The following CELF2 variants were observed in gnomAD, a reference collection of about 807,000 sequenced individuals.
CELF2 encodes CUG triplet repeat RNA-binding protein 2.
A neutral mutation model predicts 62.6 loss-of-function variants in CELF2; 8 were observed. The observed-to-expected ratio is 0.13, with a 90% confidence interval of 0.07 to 0.23. The LOEUF is 0.23. Ranked by LOEUF, CELF2 falls within the 10% of genes least tolerant of loss-of-function variation. The pLI is 1.00. For missense variants in CELF2, 333 were observed against 671.0 expected, an observed-to-expected ratio of 0.50 and a Z score of 5.56; for synonymous variants, 258 against 250.0, an observed-to-expected ratio of 1.03 and a Z score of -0.30.
At position 11,268,412 on chromosome 10, in the gene CELF2, C is replaced by A. The variant is rs903166445; in HGVS notation, c.618+1735C>A. Reference sequence around the variant, plus strand: ...CCCATTCCTTCCCTTGGAGCCCCCCCAGTAATGCTCAGAGAGCCACGGACA... The same window carrying A: ...CCCATTCCTTCCCTTGGAGCCCCCCAAGTAATGCTCAGAGAGCCACGGACA... On this transcript the variant is annotated intron_variant, in intron 6 of 12. Transcript: ENST00000633077. The surrounding 1 kb of genome is among the most constrained non-coding windows in gnomAD (Gnocchi z 4.7). 2.6e-5 allele frequency among the ~76,000 whole-genome samples: 4 copies of A among 152,104 alleles called. No individual in the cohort carries two copies. The highest frequency in any genetic ancestry group is 2.4e-5 in the African/African-American group (1 of 41,418).
rs777011247 is a variant in CELF2, at chr10:10,808,094, C to T, written c.53+9277C>T. Among the ~76,000 whole-genome samples, 25 of 152,108 alleles carry T rather than the reference C, an allele frequency of 1.6e-4. 1 individual carries two copies. The highest frequency in any genetic ancestry group is 2.4e-4 in the Non-Finnish European group (16 of 68,026). ...TGGCCATGGTTAAAGATCTGATGGG[C>T]ATTCATTATAAAAATAACACTATCG... On this transcript the variant is annotated intron_variant, in intron 1 of 13. Coordinates refer to the CELF2 transcript ENST00000636488.
chr10:10,517,830 T>A, the CELF2 span, among the ~76,000 whole-genome samples: 11 of 152,352 alleles, frequency 7.2e-5, no homozygotes, highest in African/African-American at 2.6e-4. Flanking sequence ...GTTTGCTCTT[T>A]GCAAAGAGCT....
intron 2 of CELF2, among the ~76,000 whole-genome samples, chr10:11,210,209 G>GA (rs1473541591): frequency 3.3e-5 from 5 of 152,120 alleles, no homozygotes; most frequent in African/African-American, 1.2e-4. Flanking sequence ...ATAAAAAAAA[G>GA]AAAAAATATA....
At chr10:10,496,153 C>T in the CELF2 span, among the ~76,000 whole-genome samples, 1 of 152,190 alleles carries the variant, frequency 6.6e-6, no homozygotes, top group African/African-American at 2.4e-5. Flanking sequence ...TAAAGCCGTG[C>T]AGGTCTTAAG....
chr10:11,320,280 C>A (rs1285937912), intron 10 of CELF2, among the ~76,000 whole-genome samples: 1 of 152,130 alleles, frequency 6.6e-6, no homozygotes, highest in African/African-American at 2.4e-5. Context: ...GGGGAGAAAT[C>A]GAGTCTACTG....
chr10:10,513,609 GC>G, the CELF2 span, among the ~76,000 whole-genome samples: 1 of 151,928 alleles, frequency 6.6e-6, no homozygotes, highest in Non-Finnish European at 1.5e-5. Context: ...TAGCAGGGTT[GC>G]CCACATATAG....
chr10:11,182,905 G>A (rs1464564769), intron 2 of CELF2, among the ~76,000 whole-genome samples: 3 of 152,088 alleles, frequency 2.0e-5, no homozygotes, highest in Non-Finnish European at 2.9e-5. Context: ...ACCGCCATTT[G>A]TGCATTCCTA....
At chr10:11,043,273 G>T (rs2062168013) in intron 1 of CELF2, among the ~76,000 whole-genome samples, 1 of 152,194 alleles carries the variant, frequency 6.6e-6, no homozygotes, top group African/African-American at 2.4e-5. Context: ...GGCAGGGCCA[G>T]GGCTGGTAGA....
At position 10,997,482 on chromosome 10, in the gene CELF2, T is replaced by C. The variant is rs1051935883; in HGVS notation, c.89+77483T>C. Among the ~76,000 whole-genome samples the C allele has an allele frequency of 1.3e-5, 2 of 152,196 alleles. No homozygotes were observed. Among genetic ancestry groups the C allele is most frequent in the African/African-American group, 4.8e-5 (2 of 41,452 alleles). Reference sequence around the variant, plus strand: ...TCCACTGTGGTCTTTATTAAGCTTGTGTGGTTTACTTCTTAGGATTCCCTA... The same window carrying C: ...TCCACTGTGGTCTTTATTAAGCTTGCGTGGTTTACTTCTTAGGATTCCCTA... On this transcript the variant is annotated intron_variant, in intron 2 of 13. Coordinates refer to the CELF2 transcript ENST00000636488. This position sits in a 1 kb window ranked among gnomAD's most constrained non-coding sequence, Gnocchi z 5.3.
At chr10:11,005,290 GAGA>G (rs1592974304), upstream of CELF2, 36 of 1,585,130 alleles carry the variant, frequency 2.3e-5, no homozygotes, top group Middle Eastern at 1.7e-4. This position sits in a 1 kb window ranked among gnomAD's most constrained non-coding sequence, Gnocchi z 4.3. Flanking sequence ...GAGAGAGAGA[GAGA>G]GGGAGGAGAG....
At chr10:11,283,577 A>AGATG (rs2089772367) in intron 8 of CELF2, among the ~76,000 whole-genome samples, 1 of 135,392 alleles carries the variant, frequency 7.4e-6, no homozygotes, top group Non-Finnish European at 1.6e-5. Flanking sequence ...GTGGGTGGGT[A>AGATG]GATGGATGGG....
the CELF2 span, among the ~76,000 whole-genome samples, chr10:10,779,954 G>C: frequency 6.6e-6 from 1 of 152,104 alleles, no homozygotes; most frequent in South Asian, 2.1e-4. Context: ...AGAAAGGTTT[G>C]GGTGGGACTG....
At chr10:10,668,902 G>T in the CELF2 span, among the ~76,000 whole-genome samples, 1 of 152,128 alleles carries the variant, frequency 6.6e-6, no homozygotes, top group East Asian at 1.9e-4. Flanking sequence ...AGGCTGCGAT[G>T]AGCTGAGATC....
chr10:10,985,342 A>T (rs1268698124), intron 2 of CELF2, among the ~76,000 whole-genome samples: 2 of 152,178 alleles, frequency 1.3e-5, no homozygotes, highest in Non-Finnish European at 2.9e-5. Context: ...AAAAAAAAAA[A>T]AAATAAGGCT....
intron 1 of CELF2, among the ~76,000 whole-genome samples, chr10:11,031,084 T>C (rs571978213): frequency 6.6e-6 from 1 of 152,366 alleles, no homozygotes; most frequent in African/African-American, 2.4e-5. Flanking sequence ...TAAAAATTTT[T>C]GCATATGACT....
rs146081699 is a variant in CELF2, at chr10:10,935,836, T to C, written c.89+15837T>C. On this transcript the variant is annotated intron_variant, in intron 2 of 13. Coordinates refer to the CELF2 transcript ENST00000636488. The stretch of plus-strand genomic sequence containing the variant: ...TTTTCTCCCTTCTCTGATATGCATG[T>C]GCCTTCTAGTTGACTTTTGTAAAGT... Among the ~76,000 whole-genome samples the C allele has an allele frequency of 2.4e-4, 36 of 152,244 alleles. No individual in the cohort carries two copies. The East Asian group carries it at 6.9e-3, about 29-fold the overall frequency.
At chr10:10,654,003 C>G in the CELF2 span, among the ~76,000 whole-genome samples, 1 of 151,366 alleles carries the variant, frequency 6.6e-6, no homozygotes, top group Non-Finnish European at 1.5e-5. Flanking sequence ...AGAGAAGAAT[C>G]AAATACACAC....
the CELF2 span, among the ~76,000 whole-genome samples, chr10:10,579,517 C>T: frequency 6.6e-6 from 1 of 152,014 alleles, no homozygotes; most frequent in African/African-American, 2.4e-5. Flanking sequence ...CTTAGACCCC[C>T]GGGCTGTTAT....
intron 1 of CELF2, among the ~76,000 whole-genome samples, chr10:10,876,000 T>C (rs2061065537): frequency 6.6e-6 from 1 of 152,238 alleles, no homozygotes; most frequent in African/African-American, 2.4e-5. Context: ...TAAGTACTGA[T>C]GGCATTTGCC....
Sources: gnomAD v4.1 joint callset for allele counts (sites outside exome capture counted in the v4.1 genomes callset) on GRCh38, gnomAD v4.1.1 for gene constraint, Gnocchi (gnomAD v3.1) non-coding constraint, MANE v1.5 for transcripts, NCBI Gene and HGNC (gene_info 2026-07-23, HGNC 2026-07-21) for gene names.